Variants in NEK5 observed in about 807,000 individuals in gnomAD.
NEK5 encodes the protein serine/threonine-protein kinase Nek5.
Under a neutral mutation model 109.2 loss-of-function variants are expected in NEK5, and 88 were observed. The observed-to-expected ratio is 0.81, with a 90% confidence interval of 0.68 to 0.96. The LOEUF (loss-of-function observed/expected upper bound fraction) is 0.96. Ranked by LOEUF, NEK5 falls within the 40% of genes least tolerant of loss-of-function variation. The pLI, the probability that NEK5 is intolerant of heterozygous loss-of-function variation, is 0.00. For missense variants in NEK5, 834 were observed against 920.7 expected, an observed-to-expected ratio of 0.91 and a Z score of 1.22; for synonymous variants, 283 against 299.9, an observed-to-expected ratio of 0.94 and a Z score of 0.58.
At chr13:52,082,129 A>G in intron 17 of NEK5, 1 of 213,994 alleles carries the variant, frequency 4.7e-6, no homozygotes, top group South Asian at 5.9e-5. Flanking sequence ...CAGCCTGGCC[A>G]ACATGGTGAG....
intron 22 of NEK5, among the ~76,000 whole-genome samples, chr13:52,057,145 T>C (rs1954564023): frequency 6.6e-6 from 1 of 152,032 alleles, no homozygotes; most frequent in African/African-American, 2.4e-5. Flanking sequence ...AAATACGAAC[T>C]ACCATCAGAG....
At chr13:52,080,154 G>A (rs1307839687) in intron 17 of NEK5, among the ~76,000 whole-genome samples, 2 of 150,538 alleles carry the variant, frequency 1.3e-5, no homozygotes, top group African/African-American at 2.5e-5. Flanking sequence ...CAGCCACCCC[G>A]TCCAGGAGGG....
chr13:52,103,958 T>C (rs1376969686), intron 9 of NEK5, among the ~76,000 whole-genome samples: 1 of 151,952 alleles, frequency 6.6e-6, no homozygotes, highest in Non-Finnish European at 1.5e-5. Context: ...CATACAGTAA[T>C]TAATTAATTA....
intron 5 of NEK5, among the ~76,000 whole-genome samples, chr13:52,111,471 A>G (rs1955757169): frequency 6.6e-6 from 1 of 152,208 alleles, no homozygotes; most frequent in Non-Finnish European, 1.5e-5. Flanking sequence ...TTAATCTTAC[A>G]GAAGTTAGAG....
At chr13:52,060,667 G>A (rs1022265848) in intron 22 of NEK5, among the ~76,000 whole-genome samples, 1 of 151,986 alleles carries the variant, frequency 6.6e-6, no homozygotes, top group Admixed American at 6.6e-5. Context: ...ACATTTATCA[G>A]CCTCCAAGAA....
At chr13:52,123,693 A>G (rs1332648964) in intron 3 of NEK5, among the ~76,000 whole-genome samples, 2 of 152,196 alleles carry the variant, frequency 1.3e-5, no homozygotes, top group African/African-American at 4.8e-5. Flanking sequence ...AAGGAGGAGA[A>G]GGCACAAAAT....
At chr13:52,068,391 T>C (rs1377373684) in intron 20 of NEK5, among the ~76,000 whole-genome samples, 1 of 152,082 alleles carries the variant, frequency 6.6e-6, no homozygotes. Flanking sequence ...AATACCTCAG[T>C]AAGGTTTTAC....
chr13:52,077,900 C>A (rs923887900), intron 17 of NEK5, among the ~76,000 whole-genome samples: 2 of 151,858 alleles, frequency 1.3e-5, no homozygotes, highest in African/African-American at 4.8e-5. Flanking sequence ...CATGGTGAAA[C>A]CCTGTCTCTA....
At chr13:52,073,340 G>C in intron 19 of NEK5, among the ~76,000 whole-genome samples, 1 of 148,292 alleles carries the variant, frequency 6.7e-6, no homozygotes. Flanking sequence ...TTTTGAGACA[G>C]TGTCTCACTC....
chr13:52,098,784 C>T (rs960795203), intron 12 of NEK5, among the ~76,000 whole-genome samples: 3 of 152,002 alleles, frequency 2.0e-5, no homozygotes, highest in Non-Finnish European at 2.9e-5. Context: ...CTTATAAGAG[C>T]ATACAGCATT....
chr13:52,128,672 C>G lies in NEK5; in HGVS notation c.-91+357G>C, dbSNP rs1465745284. On this transcript the variant is annotated intron_variant, in intron 1 of 23. Transcript: ENST00000684899. ...GGGTTCTGAGAGAGACGCATACGGACTTGGGGCCGGGGGTGACTCGCCGGG... is the reference window on the plus strand; with the variant it reads ...GGGTTCTGAGAGAGACGCATACGGAGTTGGGGCCGGGGGTGACTCGCCGGG... Among the ~76,000 whole-genome samples, 3 of 152,132 alleles carry G rather than the reference C, an allele frequency of 2.0e-5. No individual in the cohort carries two copies. The South Asian group carries it at 6.2e-4, about 32-fold the overall frequency.
At position 52,076,080 on chromosome 13, in the gene NEK5, G is replaced by T; in HGVS notation, c.1636C>A (p.Gln546Lys). ...TTTCTTACCTTAGCTTTATATTTCT[G>T]TTCTGGATTTTTACTTTCCTTTGTG... ...QNTKESKNPEQKYKAKKGVKF... is the reference protein window; with the variant it reads ...QNTKESKNPEKKYKAKKGVKF... The change falls in exon 18 of 24, where the codon CAG becomes AAG. Residue 546 changes from glutamine to lysine, a missense_variant. By Grantham distance (53) the Gln-to-Lys change is moderately conservative. This residue lies in a region of NEK5 where 777 missense variants were observed against 824.7 expected (regional missense o/e 0.94). Transcript: ENST00000684899. 6.3e-7 allele frequency: 1 copy of T among 1,594,778 alleles called. No homozygotes were observed.
intron 14 of NEK5, among the ~76,000 whole-genome samples, chr13:52,087,684 G>A (rs182946309): frequency 2.0e-5 from 3 of 152,078 alleles, no homozygotes; most frequent in East Asian, 1.9e-4. Flanking sequence ...GGAGTACAGC[G>A]GCATGATCTT....
rs1188445560 is a variant in NEK5 at position 52,050,735 on chromosome 13, T to TG, written c.2111-515_2111-514insC. ...TTGTTTTTTTCTTTTTTTTTTTTTT[T>TG]TTGAGACAGAGTCTGGCTTTGTCAC... is the stretch of plus-strand genomic sequence containing the variant. On this transcript the variant is annotated intron_variant, in intron 22 of 23. Coordinates refer to ENST00000684899, the MANE Select transcript of NEK5 (RefSeq NM_001365552.1). 3.6e-4 allele frequency among the ~76,000 whole-genome samples: 55 copies of TG among 150,876 alleles called. No homozygotes were observed. The East Asian group carries it at 0.01, about 28-fold the overall frequency.
chr13:52,108,602 CA>C (rs1955699064), intron 7 of NEK5, among the ~76,000 whole-genome samples, 198 bp from the exon 8 acceptor site: 1 of 152,014 alleles, frequency 6.6e-6, no homozygotes. Context: ...ATTCACCTCC[CA>C]AAAATTTACA....
intron 17 of NEK5, among the ~76,000 whole-genome samples, chr13:52,080,829 A>G (rs1288311133): frequency 1.3e-5 from 2 of 149,574 alleles, no homozygotes; most frequent in Non-Finnish European, 3.0e-5. Flanking sequence ...CCTTCCCTCC[A>G]CTGTTGTCCT....
chr13:52,104,889 T>A (rs1195517539), intron 8 of NEK5, among the ~76,000 whole-genome samples: 1 of 152,206 alleles, frequency 6.6e-6, no homozygotes, highest in African/African-American at 2.4e-5. Flanking sequence ...AAACATGGAT[T>A]TGTTTTGACT....
intron 12 of NEK5, among the ~76,000 whole-genome samples, chr13:52,093,618 C>T (rs1593969113): frequency 6.6e-6 from 1 of 151,884 alleles, no homozygotes; most frequent in African/African-American, 2.4e-5. Flanking sequence ...GTGACCATAG[C>T]TAAGATAAGG....
chr13:52,044,318 G>C (rs1168546884), intron 23 of NEK5, among the ~76,000 whole-genome samples: 1 of 152,060 alleles, frequency 6.6e-6, no homozygotes, highest in Admixed American at 6.6e-5. Context: ...GAGAACCCTA[G>C]TACACCAACC....
Sources: gnomAD v4.1 joint callset for allele counts (sites outside exome capture counted in the v4.1 genomes callset) on GRCh38, gnomAD v4.1.1 for gene constraint, gnomAD v4.1.1 regional missense constraint, MANE v1.5 for transcripts, NCBI Gene and HGNC (gene_info 2026-07-23, HGNC 2026-07-21) for gene names.